The following ZBTB49 variants were observed in gnomAD, a reference collection of about 807,000 sequenced individuals.
The protein encoded by ZBTB49 is zinc finger and BTB domain containing 49.
Under a neutral mutation model 57.5 loss-of-function variants are expected in ZBTB49, and 43 were observed. That is an observed-to-expected ratio of 0.75 (90% CI 0.59 to 0.97). The LOEUF (loss-of-function observed/expected upper bound fraction) is 0.97, where lower values mean the gene tolerates loss of function less well. Among genes scored for constraint, ZBTB49 ranks in the 50% least tolerant of loss-of-function variants. The pLI is 0.00. For missense variants in ZBTB49, 938 were observed against 947.7 expected (o/e 0.99, Z 0.13); for synonymous variants, 369 against 362.1 (o/e 1.02, Z -0.22).
At chr4:4,307,769 G>A (rs1205866971) in intron 4 of ZBTB49, among the ~76,000 whole-genome samples, 1 of 151,904 alleles carries the variant, frequency 6.6e-6, no homozygotes, top group African/African-American at 2.4e-5. Context: ...ATTAGCAATT[G>A]CGACTTCTCT....
chr4:4,299,093 A>G (rs979887239), intron 1 of ZBTB49, among the ~76,000 whole-genome samples: 2 of 152,220 alleles, frequency 1.3e-5, no homozygotes, highest in East Asian at 1.9e-4. Flanking sequence ...GTCAGGGTTC[A>G]TAACAAGTCC....
intron 3 of ZBTB49, among the ~76,000 whole-genome samples, chr4:4,303,712 A>T (rs1553804975): frequency 7.0e-6 from 1 of 141,902 alleles, no homozygotes; most frequent in Non-Finnish European, 1.5e-5. Flanking sequence ...TTCCCAAAAG[A>T]TTTTTTTAAG....
At chr4:4,308,379 G>T (rs567488058) in intron 4 of ZBTB49, among the ~76,000 whole-genome samples, 1 of 152,122 alleles carries the variant, frequency 6.6e-6, no homozygotes, top group African/African-American at 2.4e-5. Context: ...GCCCAGCCAC[G>T]TATCAGTATT....
At chr4:4,303,579 G>A (rs529619882) in intron 3 of ZBTB49, among the ~76,000 whole-genome samples, 15 of 152,232 alleles carry the variant, frequency 9.9e-5, no homozygotes, top group African/African-American at 3.6e-4. Flanking sequence ...TAATTTGGGA[G>A]TCAGGAAGTA....
At chr4:4,315,570 T>G (rs1249731634) in intron 5 of ZBTB49, 66 bp from the exon 6 acceptor site, 8 of 1,491,764 alleles carry the variant, frequency 5.4e-6, no homozygotes, top group Non-Finnish European at 7.4e-6. Context: ...CCTCAGAGAG[T>G]TGCAGTTATA....
intron 6 of ZBTB49, 24 bp downstream of exon 6, chr4:4,315,742 C>A (rs770732187): frequency 6.6e-7 from 1 of 1,522,752 alleles, no homozygotes; most frequent in Non-Finnish European, 8.5e-7. Context: ...TTTTCCTATT[C>A]TTCTTGAAGA....
chr4:4,303,450 A>G (rs950136647), intron 3 of ZBTB49, among the ~76,000 whole-genome samples: 2 of 152,206 alleles, frequency 1.3e-5, no homozygotes, highest in African/African-American at 4.8e-5. Flanking sequence ...TCTTTTTAGA[A>G]TTAGATTAAG....
At chr4:4,316,836 C>CGA (rs969419576) in intron 7 of ZBTB49, among the ~76,000 whole-genome samples, 2 of 152,182 alleles carry the variant, frequency 1.3e-5, no homozygotes, top group Non-Finnish European at 2.9e-5. Flanking sequence ...ACTCCATGAC[C>CGA]ATTCTGATCA....
At chr4:4,299,280 C>T (rs979962234) in intron 1 of ZBTB49, among the ~76,000 whole-genome samples, 1 of 152,176 alleles carries the variant, frequency 6.6e-6, no homozygotes, top group African/African-American at 2.4e-5. Flanking sequence ...ACCAAGTAGC[C>T]TCTTAGGGAG....
chr4:4,319,953 A>T (rs952597063), intron 7 of ZBTB49, among the ~76,000 whole-genome samples: 1 of 149,484 alleles, frequency 6.7e-6, no homozygotes. Context: ...AATCCCAGCC[A>T]CTCAGGAGGC....
rs1002229993 is a variant in ZBTB49, at chr4:4,320,976, G to T, written c.1958G>T (p.Cys653Phe). 22 of 1,614,078 alleles carry T rather than the reference G, an allele frequency of 1.4e-5. No individual in the cohort carries two copies. The highest frequency in any genetic ancestry group is 4.4e-5 in the South Asian group (4 of 91,084). The change falls in exon 8 of 8, where the codon TGT (cysteine) becomes TTT (phenylalanine). Residue 653 changes from cysteine (C) to phenylalanine (F), a missense_variant. Cys to Phe is a radical substitution (Grantham distance 205). This residue lies in a region of ZBTB49 where 835 missense variants were observed against 819.1 expected (regional missense o/e 1.02). Coordinates refer to ENST00000337872, the MANE Select transcript of ZBTB49 (RefSeq NM_145291.4). ...EFDSHSGGSY[C>F]KLRSMIQPHG... Reference sequence around the variant, plus strand: ...GATAGCCACTCTGGCGGCTCCTATTGTAAGTTACGGTCCATGATCCAACCT... The same window carrying T: ...GATAGCCACTCTGGCGGCTCCTATTTTAAGTTACGGTCCATGATCCAACCT...
chr4:4,318,373 T>C (rs1279535234), intron 7 of ZBTB49, among the ~76,000 whole-genome samples: 1 of 152,178 alleles, frequency 6.6e-6, no homozygotes, highest in Non-Finnish European at 1.5e-5. Context: ...CCCAACACTT[T>C]GGGAGGCCGA....
chr4:4,308,763 G>T (rs535390570), intron 4 of ZBTB49, among the ~76,000 whole-genome samples: 3 of 152,318 alleles, frequency 2.0e-5, no homozygotes, highest in East Asian at 3.9e-4. Context: ...AGCAACAGAC[G>T]TGTAAATGAT....
Position 4,290,281 on chromosome 4 carries a change from C to G in ZBTB49, c.-91C>G, listed in dbSNP as rs1719821885. The G allele has an allele frequency of 6.6e-6, 1 of 152,496 alleles. No individual in the cohort carries two copies. The highest frequency in any genetic ancestry group is 1.9e-4 in the East Asian group (1 of 5,180). The allele number at this position is 152,496 out of a possible 1,614,324, so 9.4% of individuals were successfully genotyped here. On this transcript the variant is annotated 5_prime_UTR_variant, in exon 1 of 8. In the 5' UTR this introduces an upstream ATG that the reference lacks. Coordinates refer to ENST00000337872, the MANE Select transcript of ZBTB49 (RefSeq NM_145291.4). ...CGTGATGATTCCGCGGCCAGCGGATCGCTGCGAGTGGCCTTGAAGGCAGCT... is the reference window on the plus strand; with the variant it reads ...CGTGATGATTCCGCGGCCAGCGGATGGCTGCGAGTGGCCTTGAAGGCAGCT...
chr4:4,298,992 C>T (rs1003931016), intron 1 of ZBTB49, among the ~76,000 whole-genome samples: 1 of 152,184 alleles, frequency 6.6e-6, no homozygotes, highest in Non-Finnish European at 1.5e-5. Flanking sequence ...GACCCTACAG[C>T]CTGGCACACA....
chr4:4,303,219 A>C, intron 3 of ZBTB49, 128 bp downstream of exon 3: 1 of 1,127,150 alleles, frequency 8.9e-7, no homozygotes, highest in Non-Finnish European at 1.2e-6. Flanking sequence ...TAAACAAAAT[A>C]AGGGGGATTA....
rs2920211 is a variant in ZBTB49, at chr4:4,308,705, A to C, written c.1302+2521A>C. Among the ~76,000 whole-genome samples the C allele has an allele frequency of 5.9e-3, 901 of 152,252 alleles. 8 individuals carry two copies. The highest frequency in any genetic ancestry group is 0.02 in the African/African-American group (835 of 41,526). On this transcript the variant is annotated intron_variant, in intron 4 of 7. Transcript: ENST00000337872. Reference sequence around the variant, plus strand: ...CCATGAGCTCTGCTGTGTGCCGGGAAGGGGGACAGAAATGGCCATGGCCTC... The same window carrying C: ...CCATGAGCTCTGCTGTGTGCCGGGACGGGGGACAGAAATGGCCATGGCCTC...
chr4:4,316,349 C>T (rs537554391), intron 7 of ZBTB49, among the ~76,000 whole-genome samples: 81 of 152,230 alleles, frequency 5.3e-4, no homozygotes, highest in Admixed American at 1.6e-3. Context: ...ATCAGAGGGT[C>T]GGCTTCTATA....
intron 1 of ZBTB49, among the ~76,000 whole-genome samples, chr4:4,297,680 G>T (rs1422251100): frequency 6.6e-6 from 1 of 151,910 alleles, no homozygotes; most frequent in Non-Finnish European, 1.5e-5. Context: ...CAGTTGTGGT[G>T]GGAGGATCAC....
Sources: allele counts gnomAD v4.1 joint callset (sites outside exome capture counted in the v4.1 genomes callset), GRCh38; gene constraint gnomAD v4.1.1; regional missense constraint gnomAD v4.1.1; transcripts MANE v1.5; gene names NCBI Gene and HGNC (gene_info 2026-07-23, HGNC 2026-07-21).